The following TBPL1 variants were observed in gnomAD, a reference collection of about 807,000 sequenced individuals.
TBPL1 encodes the protein TATA-box binding protein like 1, also known as TATA box-binding protein-like 1.
Under a neutral mutation model 22.1 loss-of-function variants are expected in TBPL1, and 4 were observed. The ratio of observed to expected loss-of-function variants is 0.18; its 90% CI spans 0.09 to 0.41. The LOEUF (loss-of-function observed/expected upper bound fraction) is 0.41, where lower values mean the gene tolerates loss of function less well. Ranked by LOEUF, TBPL1 falls within the 10% of genes least tolerant of loss-of-function variation. The pLI is 1.00. For missense variants in TBPL1, 115 were observed against 222.3 expected, an observed-to-expected ratio of 0.52 and a Z score of 3.07; for synonymous variants, 64 against 71.0, an observed-to-expected ratio of 0.90 and a Z score of 0.50.
intron 1 of TBPL1, among the ~76,000 whole-genome samples, chr6:133,962,003 A>G (rs556562349): frequency 2.3e-4 from 35 of 152,220 alleles, no homozygotes; most frequent in African/African-American, 8.4e-4. Flanking sequence ...GGTTCACATG[A>G]GTTGCATACT....
chr6:133,955,988 T>C (rs1751205625), intron 1 of TBPL1, among the ~76,000 whole-genome samples: 1 of 152,182 alleles, frequency 6.6e-6, no homozygotes, highest in South Asian at 2.1e-4. Context: ...CTGAATGTTT[T>C]TGGAGAGAGT....
chr6:133,977,199 G>C (rs1444418751), intron 1 of TBPL1, among the ~76,000 whole-genome samples: 1 of 151,954 alleles, frequency 6.6e-6, no homozygotes, highest in Non-Finnish European at 1.5e-5. Flanking sequence ...TTTTAAAAAA[G>C]TACTGACTTT....
At chr6:133,961,454 ATTCT>A (rs1198950886) in intron 1 of TBPL1, among the ~76,000 whole-genome samples, 1,918 of 140,690 alleles carry the variant, frequency 0.014, 45 homozygotes, top group Admixed American at 0.052. Context: ...TCTTTTTAAG[ATTCT>A]TTCTTTCTTT....
At chr6:133,963,973 G>A (rs551815383) in intron 1 of TBPL1, among the ~76,000 whole-genome samples, 9 of 152,178 alleles carry the variant, frequency 5.9e-5, no homozygotes, top group African/African-American at 1.9e-4. Context: ...CCTGGGAGGC[G>A]GAGGTTGCAA....
rs999471634 is a variant in TBPL1 at position 133,977,329 on chromosome 6, C to G, written c.-44-2753C>G. 5.3e-5 allele frequency among the ~76,000 whole-genome samples: 8 copies of G among 152,110 alleles called. No homozygotes were observed. In the South Asian group the frequency reaches 8.3e-4, roughly 16 times the overall value. On this transcript the variant is annotated intron_variant, in intron 1 of 6. Coordinates refer to ENST00000237264, the MANE Select transcript of TBPL1 (RefSeq NM_004865.4). Reference sequence around the variant, plus strand: ...GTAACTTATGAACTATTCCCATGACCTTATTTTTAAAATTTAAGTTGCTGA... The same window carrying G: ...GTAACTTATGAACTATTCCCATGACGTTATTTTTAAAATTTAAGTTGCTGA...
intron 1 of TBPL1, among the ~76,000 whole-genome samples, chr6:133,972,628 G>T (rs146378899): frequency 6.6e-6 from 1 of 152,264 alleles, no homozygotes; most frequent in East Asian, 1.9e-4. Flanking sequence ...AACAGGCACT[G>T]GCCCATTGGC....
In TBPL1 at chr6:133,984,828, C is replaced by T; in HGVS notation, c.481+157C>T. 8.2e-6 allele frequency: 5 copies of T among 609,946 alleles called. No homozygotes were observed. The South Asian group carries it at 1.1e-4, about 13-fold the overall frequency. 37.8% of individuals were successfully genotyped at this position (609,946 alleles called of 1,614,324 possible). On this transcript the variant is annotated intron_variant, in intron 6 of 6. Coordinates refer to ENST00000237264, the MANE Select transcript of TBPL1 (RefSeq NM_004865.4). ...ACTTTTAACACTAGATGCATTTTGC[C>T]TACTTTTGTACTATTTATAAATGTT...
At chr6:133,968,979 C>G (rs1776170921) in intron 1 of TBPL1, 1 of 152,152 alleles carries the variant, frequency 6.6e-6, no homozygotes, top group South Asian at 2.1e-4. Flanking sequence ...AGTTTTCTTA[C>G]TTTATAGATA....
At chr6:133,963,790 G>C (rs1003027783) in intron 1 of TBPL1, among the ~76,000 whole-genome samples, 10 of 151,942 alleles carry the variant, frequency 6.6e-5, no homozygotes, top group Non-Finnish European at 1.5e-4. Context: ...CAGCACTTTG[G>C]GAGGCTGAGG....
chr6:133,987,113 A>G lies in TBPL1; in HGVS notation c.*73A>G. On this transcript the variant is annotated 3_prime_UTR_variant, in exon 7 of 7. Coordinates refer to ENST00000237264, the MANE Select transcript of TBPL1 (RefSeq NM_004865.4). ...TGCTGCACATTGGACTCAAAAGGAAAACTGGACCAACAATAATTGAGGAAA... is the reference window on the plus strand; with the variant it reads ...TGCTGCACATTGGACTCAAAAGGAAGACTGGACCAACAATAATTGAGGAAA... 1.1e-6 allele frequency: 1 copy of G among 950,582 alleles called. No homozygotes were observed. The highest frequency in any genetic ancestry group is 1.6e-6 in the Non-Finnish European group (1 of 626,514). 58.9% of individuals were successfully genotyped at this position (950,582 alleles called of 1,614,324 possible). A position where few individuals can be genotyped will look rare whatever the true frequency, so the allele number is the denominator to read the frequency against.
rs367795389 is a variant in TBPL1 at position 133,959,515 on chromosome 6, T to C, written c.-45+6090T>C. ...TTTTGTTTTGGAGATGGAGTCTCACTCTGTCGCCCAGGCTGGAGTGCAGTG... is the reference window on the plus strand; with the variant it reads ...TTTTGTTTTGGAGATGGAGTCTCACCCTGTCGCCCAGGCTGGAGTGCAGTG... On this transcript the variant is annotated intron_variant, in intron 1 of 6. Coordinates refer to ENST00000237264, the MANE Select transcript of TBPL1 (RefSeq NM_004865.4). Among the ~76,000 whole-genome samples, 33 of 152,326 alleles carry C rather than the reference T, an allele frequency of 2.2e-4. No homozygotes were observed. The East Asian group carries it at 4.4e-3, about 21-fold the overall frequency.
At position 133,984,572 on chromosome 6, in the gene TBPL1, T is replaced by C. The variant is rs760743473; in HGVS notation, c.387-5T>C. The C allele has an allele frequency of 1.2e-6, 2 of 1,612,844 alleles. No homozygotes were observed. The highest frequency in any genetic ancestry group is 1.7e-6 in the Non-Finnish European group (2 of 1,179,252). On this transcript the variant is annotated splice_region_variant and splice_polypyrimidine_tract_variant and intron_variant, in intron 5 of 6. Transcript: ENST00000237264. ...TTTATATTAATTGTGGCTTATTTTGTGTAGTTACGAACCTGAACTTCATCC... is the reference window on the plus strand; with the variant it reads ...TTTATATTAATTGTGGCTTATTTTGCGTAGTTACGAACCTGAACTTCATCC...
intron 1 of TBPL1, among the ~76,000 whole-genome samples, chr6:133,958,134 G>A (rs1775958301): frequency 6.6e-6 from 1 of 152,176 alleles, no homozygotes; most frequent in African/African-American, 2.4e-5. Context: ...GAAAAGGAAG[G>A]CCGACAAAGC....
chr6:133,954,803 T>C (rs1480772779), intron 1 of TBPL1, among the ~76,000 whole-genome samples: 1 of 152,148 alleles, frequency 6.6e-6, no homozygotes, highest in Non-Finnish European at 1.5e-5. Flanking sequence ...TTACGTACCC[T>C]CTGCCCTCAA....
At chr6:133,982,056 G>A (rs1449320430) in intron 2 of TBPL1, among the ~76,000 whole-genome samples, 1 of 152,240 alleles carries the variant, frequency 6.6e-6, no homozygotes, top group African/African-American at 2.4e-5. Flanking sequence ...GCAGCAGAAA[G>A]CAGAATTAGG....
intron 2 of TBPL1, 117 bp downstream of exon 2, chr6:133,980,377 G>A (rs1465113140): frequency 6.7e-6 from 8 of 1,196,990 alleles, no homozygotes; most frequent in South Asian, 2.0e-5. Context: ...TGTGCTGGTT[G>A]TCCTGGATAC....
chr6:133,973,885 C>T (rs1452445090), intron 1 of TBPL1, among the ~76,000 whole-genome samples: 2 of 151,452 alleles, frequency 1.3e-5, no homozygotes, highest in East Asian at 3.9e-4. Flanking sequence ...AGGCCTTGGG[C>T]AGTGGGCAAA....
At chr6:133,957,684 A>C (rs1775950748) in intron 1 of TBPL1, among the ~76,000 whole-genome samples, 1 of 152,238 alleles carries the variant, frequency 6.6e-6, no homozygotes, top group South Asian at 2.1e-4. Flanking sequence ...GTTCAGCATC[A>C]TGGCTGTGCT....
intron 1 of TBPL1, among the ~76,000 whole-genome samples, chr6:133,964,527 T>C (rs1776084990): frequency 6.6e-6 from 1 of 151,290 alleles, no homozygotes; most frequent in Admixed American, 6.6e-5. Context: ...CTTGGCTCAC[T>C]GCAAGCTCCG....
Sources: allele counts gnomAD v4.1 joint callset (sites outside exome capture counted in the v4.1 genomes callset), GRCh38; gene constraint gnomAD v4.1.1; transcripts MANE v1.5; gene names NCBI Gene and HGNC (gene_info 2026-07-23, HGNC 2026-07-21).